Variants in UBE3D observed in about 807,000 individuals in gnomAD.
UBE3D encodes E3 ubiquitin-protein ligase E3D.
A neutral mutation model predicts 49.6 loss-of-function variants in UBE3D; 48 were observed. That is an observed-to-expected ratio of 0.97 (90% confidence interval 0.77 to 1.23). The LOEUF (loss-of-function observed/expected upper bound fraction) is 1.23. Ranked by LOEUF, UBE3D falls within the 50% of genes most tolerant of loss-of-function variation. The probability of loss-of-function intolerance (pLI) is 0.00; values close to 1 mark genes in which losing one functional copy is unlikely to be tolerated. For synonymous variants in UBE3D, 189 were observed against 174.2 expected, an observed-to-expected ratio of 1.08 and a Z score of -0.67; for missense variants, 452 against 468.4, an observed-to-expected ratio of 0.96 and a Z score of 0.32.
At chr6:82,992,877 T>C (rs1778987444) in intron 8 of UBE3D, among the ~76,000 whole-genome samples, 1 of 152,144 alleles carries the variant, frequency 6.6e-6, no homozygotes. Flanking sequence ...CTCTGCCACC[T>C]GGGTATTTGT....
At chr6:83,004,937 C>G (rs1284289893) in intron 8 of UBE3D, among the ~76,000 whole-genome samples, 2 of 152,226 alleles carry the variant, frequency 1.3e-5, no homozygotes, top group East Asian at 3.9e-4. Flanking sequence ...GCAATGATAT[C>G]TTGGAAATGA....
chr6:82,922,509 T>C (rs1389681887), intron 9 of UBE3D, among the ~76,000 whole-genome samples: 1 of 152,176 alleles, frequency 6.6e-6, no homozygotes, highest in Non-Finnish European at 1.5e-5. Flanking sequence ...TAAATGGTCT[T>C]GGGAAAACTA....
intron 2 of UBE3D, among the ~76,000 whole-genome samples, chr6:83,057,052 C>A (rs972925866): frequency 2.0e-5 from 3 of 152,128 alleles, no homozygotes; most frequent in African/African-American, 7.2e-5. Flanking sequence ...AATCATTATA[C>A]CAGTTACAAA....
chr6:82,968,733 T>C (rs547449690), intron 8 of UBE3D, among the ~76,000 whole-genome samples: 12 of 152,332 alleles, frequency 7.9e-5, no homozygotes, highest in African/African-American at 2.2e-4. Flanking sequence ...TAAAGTTTGA[T>C]GGAAGTAAAA....
chr6:83,047,918 T>G (rs746653258), intron 3 of UBE3D, among the ~76,000 whole-genome samples: 1 of 151,506 alleles, frequency 6.6e-6, no homozygotes, highest in Non-Finnish European at 1.5e-5. Flanking sequence ...CCGTCTCTAC[T>G]AAAAATACAA....
intron 9 of UBE3D, among the ~76,000 whole-genome samples, chr6:82,898,389 T>C (rs1185634357): frequency 1.3e-5 from 2 of 152,234 alleles, no homozygotes; most frequent in East Asian, 3.8e-4. Context: ...GTATGTTTAT[T>C]GTAGCACTGT....
intron 3 of UBE3D, chr6:83,049,829 G>A (rs1045474109): frequency 2.6e-5 from 12 of 470,288 alleles, no homozygotes; most frequent in Non-Finnish European, 4.8e-5. Context: ...ATTCACATAT[G>A]AGATGAATTT....
rs532963701 is a variant in UBE3D at position 82,972,533 on chromosome 6, A to T, written c.1011-15083T>A. On this transcript the variant is annotated intron_variant, in intron 8 of 9. Transcript: ENST00000369747. The stretch of plus-strand genomic sequence containing the variant: ...AAGCCTTTAGACCTTTTGTGAAGTC[A>T]CATGTCAATGTAACTCTAGTAGAGT... 1.6e-4 allele frequency among the ~76,000 whole-genome samples: 24 copies of T among 152,348 alleles called. No homozygotes were observed. In the South Asian group the frequency reaches 5.0e-3, roughly 32 times the overall value.
chr6:82,993,995 G>T (rs1452130262), intron 8 of UBE3D, among the ~76,000 whole-genome samples: 1 of 152,170 alleles, frequency 6.6e-6, no homozygotes, highest in Non-Finnish European at 1.5e-5. Flanking sequence ...CACTTCACCA[G>T]TAAAGGTACT....
At chr6:82,916,211 T>A (rs1227175662) in intron 9 of UBE3D, among the ~76,000 whole-genome samples, 1 of 152,218 alleles carries the variant, frequency 6.6e-6, no homozygotes, top group African/African-American at 2.4e-5. Flanking sequence ...ACACCACACC[T>A]GTCCAATTTC....
intron 3 of UBE3D, among the ~76,000 whole-genome samples, chr6:83,053,929 C>T (rs1347315844): frequency 1.3e-5 from 2 of 152,180 alleles, no homozygotes; most frequent in East Asian, 3.9e-4. Flanking sequence ...ACTCCTCTCT[C>T]AAAGCCAGCA....
At chr6:82,948,816 A>T (rs1775586387) in intron 9 of UBE3D, among the ~76,000 whole-genome samples, 1 of 152,052 alleles carries the variant, frequency 6.6e-6, no homozygotes, top group Non-Finnish European at 1.5e-5. Flanking sequence ...GGAAAAATTC[A>T]ACATCACTTC....
At chr6:82,948,140 GA>G (rs1490231154) in intron 9 of UBE3D, among the ~76,000 whole-genome samples, 2 of 151,338 alleles carry the variant, frequency 1.3e-5, no homozygotes, top group African/African-American at 4.8e-5. Flanking sequence ...GAATAACTAC[GA>G]AAACATGAGA....
intron 5 of UBE3D, chr6:83,037,546 C>T (rs1022348345): frequency 6.6e-6 from 1 of 152,116 alleles, no homozygotes; most frequent in Admixed American, 6.5e-5. Flanking sequence ...TCCTTTCTGG[C>T]TCACTGTGAA....
At chr6:82,963,092 T>G (rs1264962277) in intron 8 of UBE3D, among the ~76,000 whole-genome samples, 1 of 151,764 alleles carries the variant, frequency 6.6e-6, no homozygotes, top group Non-Finnish European at 1.5e-5. Flanking sequence ...CATTCATACA[T>G]ATGAACAAAG....
At chr6:82,938,005 A>T (rs539043536) in intron 9 of UBE3D, among the ~76,000 whole-genome samples, 1 of 151,894 alleles carries the variant, frequency 6.6e-6, no homozygotes, top group Admixed American at 6.5e-5. Flanking sequence ...ACACACACAC[A>T]CAACAACCCT....
intron 9 of UBE3D, among the ~76,000 whole-genome samples, chr6:82,927,430 T>C (rs1773837678): frequency 6.6e-6 from 1 of 152,004 alleles, no homozygotes; most frequent in Admixed American, 6.6e-5. Flanking sequence ...TTGCATGGAA[T>C]CTATGGGTTG....
intron 6 of UBE3D, 59 bp from the exon 7 acceptor site, chr6:83,022,620 G>A (rs1781185808): frequency 3.1e-6 from 4 of 1,291,070 alleles, no homozygotes; most frequent in Admixed American, 2.9e-5. Context: ...TAACTGGCAA[G>A]ATAAGCAAAA....
At chr6:83,000,765 G>A (rs975946889) in intron 8 of UBE3D, among the ~76,000 whole-genome samples, 1 of 151,542 alleles carries the variant, frequency 6.6e-6, no homozygotes, top group Middle Eastern at 3.4e-3. Context: ...TGTACTCACT[G>A]TACTGCCTCC....
Sources: allele counts gnomAD v4.1 joint callset (sites outside exome capture counted in the v4.1 genomes callset), GRCh38; gene constraint gnomAD v4.1.1; transcripts MANE v1.5; gene names NCBI Gene and HGNC (gene_info 2026-07-23, HGNC 2026-07-21).